The following KAZN variants were observed in gnomAD, a reference collection of about 807,000 sequenced individuals.
KAZN encodes kazrin.
KAZN carries 40 observed loss-of-function variants against 87.4 expected under a neutral mutation model. The observed-to-expected ratio is 0.46, with a 90% CI of 0.36 to 0.60. The LOEUF is 0.60. KAZN is among the 20% of genes least tolerant of loss of function. KAZN has a pLI of 0.00. For synonymous variants in KAZN, 466 were observed against 458.3 expected (o/e 1.02, Z -0.22); for missense variants, 898 against 1,073.9 (o/e 0.84, Z 2.29).
chr1:14,977,285 G>A (rs759199156), intron 2 of KAZN, among the ~76,000 whole-genome samples: 7 of 152,322 alleles, frequency 4.6e-5, no homozygotes, highest in Admixed American at 1.3e-4. Context: ...GGGAAAAGAG[G>A]GACGTAGTAG....
At chr1:14,083,901 CACTT>C in intron 1 of KAZN, among the ~76,000 whole-genome samples, 1 of 152,310 alleles carries the variant, frequency 6.6e-6, no homozygotes, top group South Asian at 2.1e-4. Flanking sequence ...ATTTATGAAT[CACTT>C]ACTGTGTGTT....
At chr1:14,559,220 C>G (rs1674102750) in intron 2 of KAZN, among the ~76,000 whole-genome samples, 1 of 152,098 alleles carries the variant, frequency 6.6e-6, no homozygotes, top group Non-Finnish European at 1.5e-5. Context: ...AGAGTTGGCT[C>G]TTCTAGTGCT....
intron 2 of KAZN, among the ~76,000 whole-genome samples, chr1:15,031,448 T>C (rs544816830): frequency 2.6e-5 from 4 of 152,288 alleles, no homozygotes; most frequent in Non-Finnish European, 4.4e-5. Context: ...CACCCTGCAG[T>C]CAGAGGCTGC....
chr1:14,307,363 C>G (rs1022061447), intron 2 of KAZN, among the ~76,000 whole-genome samples: 1 of 152,166 alleles, frequency 6.6e-6, no homozygotes, highest in African/African-American at 2.4e-5. Flanking sequence ...GTCGTTTCAG[C>G]CCTGATGTTT....
chr1:14,479,790 C>T (rs901858913), intron 2 of KAZN, among the ~76,000 whole-genome samples: 8 of 152,112 alleles, frequency 5.3e-5, no homozygotes, highest in Admixed American at 1.3e-4. Flanking sequence ...ACGTGGGAGG[C>T]GTTGCCAAAT....
chr1:14,342,953 C>T (rs1235821602), intron 2 of KAZN, among the ~76,000 whole-genome samples: 1 of 152,032 alleles, frequency 6.6e-6, no homozygotes, highest in Non-Finnish European at 1.5e-5. Context: ...CCAGCTTGGC[C>T]AACATGGTGA....
intron 2 of KAZN, among the ~76,000 whole-genome samples, chr1:14,335,670 T>C (rs1211749682): frequency 6.6e-6 from 1 of 152,152 alleles, no homozygotes; most frequent in East Asian, 1.9e-4. Context: ...AATAAACCTC[T>C]TTTCTTTATA....
At chr1:14,392,932 G>A (rs1014907864) in intron 2 of KAZN, among the ~76,000 whole-genome samples, 16 of 152,046 alleles carry the variant, frequency 1.1e-4, no homozygotes, top group African/African-American at 3.9e-4. Context: ...AGGAGGGGAG[G>A]GTATTGTTTG....
Position 14,177,127 on chromosome 1 carries a change from G to A in KAZN, c.92-3308G>A, listed in dbSNP as rs185762437. On this transcript the variant is annotated intron_variant, in intron 1 of 16. Coordinates refer to the KAZN transcript ENST00000636203. The stretch of plus-strand genomic sequence containing the variant: ...GAGCTGAGATCGAGCCACTGCACTC[G>A]AGCCTGGGTGACACAGCGAGACGCC... Among the ~76,000 whole-genome samples, 10 of 152,132 alleles carry A rather than the reference G, an allele frequency of 6.6e-5. No homozygotes were observed. The East Asian group carries it at 1.5e-3, about 24-fold the overall frequency.
chr1:15,102,708 C>G (rs1184680638), intron 11 of KAZN, among the ~76,000 whole-genome samples: 4 of 152,198 alleles, frequency 2.6e-5, no homozygotes, highest in Non-Finnish European at 5.9e-5. Context: ...CCCTGTGGGA[C>G]CCAGGGAGGC....
At chr1:14,802,074 A>G (rs1433111327) in intron 1 of KAZN, among the ~76,000 whole-genome samples, 1 of 151,988 alleles carries the variant, frequency 6.6e-6, no homozygotes, top group Non-Finnish European at 1.5e-5. Context: ...TCTCGTCCAG[A>G]AAGCTTTCGT....
chr1:14,042,652 T>A (rs181747158), intron 1 of KAZN, among the ~76,000 whole-genome samples: 95 of 152,332 alleles, frequency 6.2e-4, no homozygotes, highest in Non-Finnish European at 1.1e-3. Context: ...TCCCTCCTAT[T>A]TGTTGTGAAT....
At chr1:14,387,374 AG>A (rs1344375226) in intron 2 of KAZN, among the ~76,000 whole-genome samples, 1 of 152,148 alleles carries the variant, frequency 6.6e-6, no homozygotes, top group African/African-American at 2.4e-5. Context: ...GTTCCTTTGG[AG>A]GAGGAGAGGT....
At chr1:15,070,243 C>T (rs1170105526) in intron 8 of KAZN, among the ~76,000 whole-genome samples, 1 of 152,250 alleles carries the variant, frequency 6.6e-6, no homozygotes, top group African/African-American at 2.4e-5. Context: ...CCAGTAGCCT[C>T]TGACACAGCT....
At chr1:14,781,496 G>C (rs900760583) in intron 1 of KAZN, among the ~76,000 whole-genome samples, 2 of 152,174 alleles carry the variant, frequency 1.3e-5, no homozygotes, top group African/African-American at 4.8e-5. Context: ...ATGCGTGCTC[G>C]AGCAGCCTTT....
chr1:14,079,797 G>A (rs1298567496), intron 1 of KAZN, among the ~76,000 whole-genome samples: 1 of 152,178 alleles, frequency 6.6e-6, no homozygotes, highest in Non-Finnish European at 1.5e-5. Flanking sequence ...TGAAGGAATA[G>A]AGCATATAGA....
chr1:14,774,918 T>C (rs775230332), intron 1 of KAZN, among the ~76,000 whole-genome samples: 12 of 152,198 alleles, frequency 7.9e-5, no homozygotes, highest in South Asian at 6.2e-4. Context: ...TCGTTCACCT[T>C]ACGGTATCGA....
At chr1:14,755,455 A>G (rs958239230) in intron 1 of KAZN, among the ~76,000 whole-genome samples, 3 of 152,184 alleles carry the variant, frequency 2.0e-5, no homozygotes, top group African/African-American at 7.2e-5. Flanking sequence ...CTTAAAAGTC[A>G]ACCTATATGT....
At chr1:14,641,522 C>A (rs546652047) in intron 1 of KAZN, among the ~76,000 whole-genome samples, 156 of 152,306 alleles carry the variant, frequency 1.0e-3, no homozygotes, top group Non-Finnish European at 1.8e-3. Flanking sequence ...CAGACCATGC[C>A]TGCGGTGTGG....
Sources: gnomAD v4.1 joint callset for allele counts (sites outside exome capture counted in the v4.1 genomes callset) on GRCh38, gnomAD v4.1.1 for gene constraint, MANE v1.5 for transcripts, NCBI Gene and HGNC (gene_info 2026-07-23, HGNC 2026-07-21) for gene names.